The following PCDH9 variants were observed in gnomAD, a reference collection of about 807,000 sequenced individuals.
PCDH9 encodes the protein protocadherin-9.
Under a neutral mutation model 70.6 loss-of-function variants are expected in PCDH9, and 24 were observed. The observed-to-expected ratio is 0.34, with a 90% CI of 0.25 to 0.48. The LOEUF is 0.48. PCDH9 is among the 20% of genes least tolerant of loss of function. The pLI, the probability that PCDH9 is intolerant of heterozygous loss-of-function variation, is 0.99. For missense variants in PCDH9, 1,281 were observed against 1,503.6 expected (o/e 0.85, Z 2.45); for synonymous variants, 562 against 558.5 (o/e 1.01, Z -0.09).
chr13:66,379,002 C>T (rs1358430442), intron 4 of PCDH9, among the ~76,000 whole-genome samples: 1 of 152,202 alleles, frequency 6.6e-6, no homozygotes, highest in Non-Finnish European at 1.5e-5. Flanking sequence ...GCAACAGACA[C>T]TTAGAATTTT....
At chr13:67,063,269 A>G (rs977133803) in intron 2 of PCDH9, among the ~76,000 whole-genome samples, 3 of 152,058 alleles carry the variant, frequency 2.0e-5, no homozygotes, top group African/African-American at 7.2e-5. Context: ...CCCAGCAGGG[A>G]TAAACCTCAT....
chr13:67,075,884 T>C (rs1342442441), intron 2 of PCDH9, among the ~76,000 whole-genome samples: 3 of 152,134 alleles, frequency 2.0e-5, no homozygotes, highest in South Asian at 2.1e-4. Flanking sequence ...CCTTGTGGAA[T>C]ATTTGATAGC....
At chr13:66,739,884 TA>T (rs2079227654) in intron 3 of PCDH9, among the ~76,000 whole-genome samples, 1 of 138,136 alleles carries the variant, frequency 7.2e-6, no homozygotes, top group Non-Finnish European at 1.6e-5. Context: ...TCCCACACAT[TA>T]ATAATGGGAG....
chr13:66,744,250 A>G (rs1049824542), intron 3 of PCDH9, among the ~76,000 whole-genome samples: 3 of 152,190 alleles, frequency 2.0e-5, no homozygotes, highest in African/African-American at 7.2e-5. Context: ...CCCTGGAGAA[A>G]GATACTTTAT....
intron 2 of PCDH9, among the ~76,000 whole-genome samples, chr13:67,069,184 A>C (rs2085709881): frequency 6.6e-6 from 1 of 152,182 alleles, no homozygotes; most frequent in Admixed American, 6.5e-5. Flanking sequence ...TTATCATATT[A>C]ATACTCATTT....
chr13:66,654,770 C>G (rs566831098), intron 3 of PCDH9, among the ~76,000 whole-genome samples: 5 of 152,236 alleles, frequency 3.3e-5, no homozygotes, highest in African/African-American at 1.2e-4. Context: ...AGTGGCATGA[C>G]GACCTCAGCT....
At chr13:66,725,401 G>A (rs2078993488) in intron 3 of PCDH9, among the ~76,000 whole-genome samples, 1 of 152,136 alleles carries the variant, frequency 6.6e-6, no homozygotes, top group Admixed American at 6.5e-5. Flanking sequence ...TTCTTAAAGT[G>A]TCAGTCAGTT....
intron 2 of PCDH9, among the ~76,000 whole-genome samples, chr13:67,106,390 T>G (rs2086543723): frequency 6.6e-6 from 1 of 152,234 alleles, no homozygotes; most frequent in South Asian, 2.1e-4. Flanking sequence ...ATCTTAAGCT[T>G]AACTGTATTT....
At chr13:66,824,468 C>T (rs1444485057) in intron 3 of PCDH9, among the ~76,000 whole-genome samples, 1 of 148,646 alleles carries the variant, frequency 6.7e-6, no homozygotes, top group Non-Finnish European at 1.5e-5. Context: ...CCAGCCTGGC[C>T]AATGTGGTGA....
At chr13:67,015,064 A>G (rs1015783753) in intron 2 of PCDH9, among the ~76,000 whole-genome samples, 20 of 152,146 alleles carry the variant, frequency 1.3e-4, no homozygotes, top group African/African-American at 4.6e-4. Context: ...TAACAAGAGG[A>G]TACTCCATAT....
intron 3 of PCDH9, among the ~76,000 whole-genome samples, chr13:66,745,732 A>G (rs1038548248): frequency 6.6e-6 from 1 of 152,112 alleles, no homozygotes; most frequent in African/African-American, 2.4e-5. Context: ...CCCCCATTCC[A>G]TGGAGAATTT....
chr13:66,548,454 A>AC (rs573251364), intron 4 of PCDH9, among the ~76,000 whole-genome samples: 231 of 152,142 alleles, frequency 1.5e-3, no homozygotes, highest in African/African-American at 4.9e-3. Flanking sequence ...AATCTCGGCT[A>AC]CTAGGGAGGC....
At chr13:66,601,253 G>A (rs547701635) in intron 4 of PCDH9, among the ~76,000 whole-genome samples, 1 of 145,692 alleles carries the variant, frequency 6.9e-6, no homozygotes, top group African/African-American at 2.5e-5. Context: ...AGATATCAGT[G>A]CTTTTCTCTT....
intron 4 of PCDH9, among the ~76,000 whole-genome samples, chr13:66,602,368 A>G (rs1438577355): frequency 1.4e-5 from 2 of 146,160 alleles, no homozygotes; most frequent in Middle Eastern, 3.6e-3. Context: ...AGCTCCATAC[A>G]TGTTATTGCC....
At chr13:66,479,068 A>T (rs1302433627) in intron 4 of PCDH9, among the ~76,000 whole-genome samples, 1 of 152,100 alleles carries the variant, frequency 6.6e-6, no homozygotes, top group Non-Finnish European at 1.5e-5. Context: ...CATCCCCAAA[A>T]TCCTATGGCC....
At chr13:66,577,344 G>A (rs1223364366) in intron 4 of PCDH9, among the ~76,000 whole-genome samples, 2 of 151,722 alleles carry the variant, frequency 1.3e-5, no homozygotes, top group African/African-American at 4.8e-5. Context: ...CTGGACTTCA[G>A]AAACAGGAAT....
chr13:66,434,254 A>G (rs1957827134), intron 4 of PCDH9, among the ~76,000 whole-genome samples: 1 of 151,972 alleles, frequency 6.6e-6, no homozygotes, highest in Admixed American at 6.6e-5. Context: ...TCTTTAACTT[A>G]CAAACAAAAA....
intron 2 of PCDH9, among the ~76,000 whole-genome samples, chr13:66,995,470 G>GA (rs1004813862): frequency 6.6e-6 from 1 of 151,692 alleles, no homozygotes; most frequent in African/African-American, 2.4e-5. Flanking sequence ...ACCACTAAGG[G>GA]AAAAAAACAA....
At chr13:66,781,317 T>G (rs563718781) in intron 3 of PCDH9, among the ~76,000 whole-genome samples, 37 of 152,312 alleles carry the variant, frequency 2.4e-4, no homozygotes, top group African/African-American at 8.7e-4. Context: ...TGTACTAGGA[T>G]TCACCTCTTG....
Sources: gnomAD v4.1 joint callset for allele counts (sites outside exome capture counted in the v4.1 genomes callset) on GRCh38, gnomAD v4.1.1 for gene constraint, MANE v1.5 for transcripts, NCBI Gene and HGNC (gene_info 2026-07-23, HGNC 2026-07-21) for gene names.